MRPL33: variants seen among roughly 807,000 people sequenced by gnomAD.
MRPL33 encodes the protein mitochondrial ribosomal protein L33.
In MRPL33, 5 loss-of-function variants were observed where a neutral mutation model predicts 10.1. The ratio of observed to expected loss-of-function variants is 0.49; its 90% CI spans 0.26 to 1.04. MRPL33 has a LOEUF of 1.04. Ranked by LOEUF, MRPL33 falls within the 50% of genes least tolerant of loss-of-function variation. The probability of loss-of-function intolerance (pLI) is 0.14; values close to 1 mark genes in which losing one functional copy is unlikely to be tolerated. For missense variants in MRPL33, 79 were observed against 78.1 expected, an observed-to-expected ratio of 1.01 and a Z score of -0.04; for synonymous variants, 24 against 27.7, an observed-to-expected ratio of 0.87 and a Z score of 0.42.
intron 3 of MRPL33, among the ~76,000 whole-genome samples, chr2:27,774,776 G>T (rs1677117971): frequency 6.6e-6 from 1 of 152,222 alleles, no homozygotes; most frequent in African/African-American, 2.4e-5. Flanking sequence ...CAAATTATAA[G>T]TGCTGTGAGA....
chr2:27,778,012 A>G (rs887573069), intron 3 of MRPL33, among the ~76,000 whole-genome samples: 2 of 152,350 alleles, frequency 1.3e-5, no homozygotes, highest in East Asian at 1.9e-4. Flanking sequence ...AGGAGGATCA[A>G]TCCTACTTAC....
At chr2:27,776,979 GATAAAT>G (rs1677187484) in intron 3 of MRPL33, among the ~76,000 whole-genome samples, 1 of 152,224 alleles carries the variant, frequency 6.6e-6, no homozygotes, top group Non-Finnish European at 1.5e-5. Context: ...ATTCATAGCT[GATAAAT>G]GGTGGAGCCA....
At chr2:27,772,621 G>A (rs1371401568) in intron 1 of MRPL33, 53 bp from the exon 2 acceptor site, 3 of 1,401,674 alleles carry the variant, frequency 2.1e-6, no homozygotes. Context: ...ATAAGAAAGA[G>A]AATACATTTA....
rs965915043 is a variant in MRPL33, at chr2:27,774,371, G to A, written c.42-53G>A. 3 of 1,447,476 alleles carry A rather than the reference G, an allele frequency of 2.1e-6. No individual in the cohort carries two copies. The African/African-American group carries it at 4.2e-5, about 20-fold the overall frequency. The allele number at this position is 1,447,476 out of a possible 1,614,324, so 89.7% of individuals were successfully genotyped here. A position where few individuals can be genotyped will look rare whatever the true frequency, so the allele number is the denominator to read the frequency against. On this transcript the variant is annotated intron_variant, in intron 2 of 3. Coordinates refer to ENST00000296102, the MANE Select transcript of MRPL33 (RefSeq NM_004891.4). ...CAAAATGTGCCATCCCCCTGTGACT[G>A]ATTTTAGTTTATTTCGTCAGCTCGT...
At chr2:27,774,328 A>G (rs1243191628) in intron 2 of MRPL33, 96 bp from the exon 3 acceptor site, 2 of 958,652 alleles carry the variant, frequency 2.1e-6, no homozygotes, top group East Asian at 4.8e-5. Flanking sequence ...CACAACTAAT[A>G]TTACCCTACA....
At chr2:27,772,149 A>G in intron 1 of MRPL33, 1 of 328,386 alleles carries the variant, frequency 3.0e-6, no homozygotes, top group Non-Finnish European at 5.6e-6. Flanking sequence ...AAAATAAGGA[A>G]ACCGCTCCCG....
At chr2:27,772,725 C>G (rs540552096) in intron 2 of MRPL33, 33 bp downstream of exon 2, 10 of 1,562,898 alleles carry the variant, frequency 6.4e-6, no homozygotes, top group African/African-American at 2.7e-5. Flanking sequence ...TTAAACGTCA[C>G]TTGTTTATGT....
intron 3 of MRPL33, 112 bp from the exon 4 acceptor site, chr2:27,779,321 G>C (rs1677232043): frequency 7.8e-7 from 1 of 1,279,116 alleles, no homozygotes; most frequent in East Asian, 2.6e-5. Flanking sequence ...TCATATCAAG[G>C]AATAGTAAAA....
intron 3 of MRPL33, among the ~76,000 whole-genome samples, chr2:27,778,617 C>T (rs1372624707): frequency 2.6e-5 from 4 of 151,420 alleles, no homozygotes; most frequent in Non-Finnish European, 4.4e-5. Context: ...TGCAATGGTG[C>T]GATCTCGGCT....
intron 3 of MRPL33, among the ~76,000 whole-genome samples, chr2:27,778,609 C>G (rs1376356609): frequency 1.3e-5 from 2 of 151,630 alleles, no homozygotes; most frequent in Non-Finnish European, 2.9e-5. Context: ...GGCTGGAGTG[C>G]AATGGTGCGA....
chr2:27,778,805 C>T (rs868462526), intron 3 of MRPL33, among the ~76,000 whole-genome samples: 3 of 152,170 alleles, frequency 2.0e-5, no homozygotes, highest in Non-Finnish European at 2.9e-5. Flanking sequence ...ATGACCACCT[C>T]GGTCTCCCAA....
chr2:27,772,076 C>T, intron 1 of MRPL33: 1 of 442,970 alleles, frequency 2.3e-6, no homozygotes. Context: ...TTCTCCAGCC[C>T]GTGTTAGGAG....
chr2:27,774,663 TATG>T (rs1677115734), intron 3 of MRPL33, 133 bp downstream of exon 3: 1 of 676,222 alleles, frequency 1.5e-6, no homozygotes, highest in African/African-American at 1.8e-5. Flanking sequence ...GAATGATTGT[TATG>T]ATGCTATTTA....
chr2:27,777,680 G>A lies in MRPL33; in HGVS notation c.149-1753G>A, dbSNP rs147988705. ...ACTTTTGTAAACTCTACATTGCCTAGCACAGTTCTATGGACTTAAATATTT... is the reference window on the plus strand; with the variant it reads ...ACTTTTGTAAACTCTACATTGCCTAACACAGTTCTATGGACTTAAATATTT... On this transcript the variant is annotated intron_variant, in intron 3 of 3. Transcript: ENST00000296102. Among the ~76,000 whole-genome samples the A allele has an allele frequency of 1.2e-4, 18 of 152,244 alleles. No individual in the cohort carries two copies. The East Asian group carries it at 3.5e-3, about 29-fold the overall frequency.
At position 27,778,998 on chromosome 2, in the gene MRPL33, G is replaced by A. The variant is rs142252485; in HGVS notation, c.149-435G>A. Among the ~76,000 whole-genome samples, 4 of 152,306 alleles carry A rather than the reference G, an allele frequency of 2.6e-5. No homozygotes were observed. In the East Asian group the frequency reaches 7.7e-4, roughly 29 times the overall value. ...TTTGGGTGTATTAACCCATCTCTGGGAAGTAGAGGTTTAGTGTCTATTACT... is the reference window on the plus strand; with the variant it reads ...TTTGGGTGTATTAACCCATCTCTGGAAAGTAGAGGTTTAGTGTCTATTACT... On this transcript the variant is annotated intron_variant, in intron 3 of 3. Transcript: ENST00000296102.
At position 27,775,566 on chromosome 2, in the gene MRPL33, G is replaced by A. The variant is rs146334228; in HGVS notation, c.148+1036G>A. On this transcript the variant is annotated intron_variant, in intron 3 of 3. Transcript: ENST00000296102. Reference sequence around the variant, plus strand: ...AGGGTTTCACCATGTTAGCCACGCTGGTCTTGAACTCCTGACCTCAGGTGA... The same window carrying A: ...AGGGTTTCACCATGTTAGCCACGCTAGTCTTGAACTCCTGACCTCAGGTGA... Among the ~76,000 whole-genome samples the A allele has an allele frequency of 9.2e-3, 1,404 of 151,964 alleles. 17 individuals carry two copies. Among genetic ancestry groups the A allele is most frequent in the African/African-American group, 0.032 (1,336 of 41,442 alleles).
chr2:27,771,738 C>A lies in MRPL33; in HGVS notation c.-40C>A. ...GGAAGCAGTTGTTGTTGGTTGGGGG[C>A]CTTTTGGCCGGTGACGGAGACTGCC... On this transcript the variant is annotated 5_prime_UTR_variant, in exon 1 of 4. Coordinates refer to ENST00000296102, the MANE Select transcript of MRPL33 (RefSeq NM_004891.4). 4.3e-6 allele frequency: 7 copies of A among 1,613,592 alleles called. No individual in the cohort carries two copies. Among genetic ancestry groups the A allele is most frequent in the Non-Finnish European group, 5.9e-6 (7 of 1,179,648 alleles).
intron 2 of MRPL33, among the ~76,000 whole-genome samples, chr2:27,773,405 C>T (rs1047296026): frequency 3.3e-5 from 5 of 152,232 alleles, no homozygotes; most frequent in African/African-American, 9.6e-5. Flanking sequence ...ACGTAGCTTT[C>T]GCCACAGTCC....
intron 3 of MRPL33, among the ~76,000 whole-genome samples, chr2:27,774,883 A>G (rs1677120184): frequency 6.6e-6 from 1 of 152,168 alleles, no homozygotes; most frequent in Non-Finnish European, 1.5e-5. Context: ...CCAGGAGGAG[A>G]TAGTTAACCG....
Sources: allele counts gnomAD v4.1 joint callset (sites outside exome capture counted in the v4.1 genomes callset), GRCh38; gene constraint gnomAD v4.1.1; transcripts MANE v1.5; gene names NCBI Gene and HGNC (gene_info 2026-07-23, HGNC 2026-07-21).